SV2C: variants seen among roughly 807,000 people sequenced by gnomAD.
SV2C encodes the protein solute carrier family 22 member B3.
In SV2C, 49 loss-of-function variants were observed where a neutral mutation model predicts 79.7. The ratio of observed to expected loss-of-function variants is 0.61; its 90% CI spans 0.49 to 0.78. The LOEUF is 0.78. SV2C is among the 30% of genes least tolerant of loss of function. SV2C has a pLI of 0.00. For synonymous variants in SV2C, 334 were observed against 333.2 expected (o/e 1.00, Z -0.03); for missense variants, 833 against 912.9 (o/e 0.91, Z 1.13).
the SV2C span, among the ~76,000 whole-genome samples, chr5:75,852,471 A>T: frequency 6.6e-6 from 1 of 152,228 alleles, no homozygotes; most frequent in African/African-American, 2.4e-5. Context: ...AACATAGGAA[A>T]CAATGCAAGG....
chr5:75,921,156 AG>A, the SV2C span: 1 of 907,290 alleles, frequency 1.1e-6, no homozygotes. Flanking sequence ...CCAATGAGCA[AG>A]TTGTTGGAGA....
At chr5:76,349,837 T>C (rs1377994080) in intron 12 of SV2C, among the ~76,000 whole-genome samples, 5 of 152,096 alleles carry the variant, frequency 3.3e-5, no homozygotes, top group Non-Finnish European at 7.4e-5. Flanking sequence ...TGCTGGGCCA[T>C]CAATGGCTAC....
chr5:76,132,270 T>C lies in SV2C; in HGVS notation c.520T>C (p.Phe174Leu). Reference sequence around the variant, plus strand: ...CGGTGTAGAGGTGTTTGTCGTTGGCTTCGTGTTACCCAGTGCTGAGACAGA... The same window carrying C: ...CGGTGTAGAGGTGTTTGTCGTTGGCCTCGTGTTACCCAGTGCTGAGACAGA... ...ADGVEVFVVG[F>L]VLPSAETDLC... Residue 174 changes from phenylalanine to leucine, a missense_variant, in exon 2 of 13, where the codon TTC becomes CTC. By Grantham distance (22) the Phe-to-Leu change is conservative. Transcript: ENST00000502798. The C allele has an allele frequency of 6.2e-7, 1 of 1,614,092 alleles. No homozygotes were observed. Among genetic ancestry groups the C allele is most frequent in the South Asian group, 1.1e-5 (1 of 91,074 alleles).
At chr5:75,943,790 G>A in the SV2C span, among the ~76,000 whole-genome samples, 1 of 152,090 alleles carries the variant, frequency 6.6e-6, no homozygotes, top group South Asian at 2.1e-4. Context: ...CTCACTTGGA[G>A]GTGCCAGGAC....
the SV2C span, among the ~76,000 whole-genome samples, chr5:75,976,329 A>G: frequency 6.6e-6 from 1 of 152,170 alleles, no homozygotes; most frequent in Non-Finnish European, 1.5e-5. Flanking sequence ...GTCATAAAAT[A>G]AGAAATGTGG....
At chr5:75,885,038 ACAAGT>A in the SV2C span, among the ~76,000 whole-genome samples, 424 of 152,280 alleles carry the variant, frequency 2.8e-3, 5 homozygotes, top group African/African-American at 9.7e-3. Flanking sequence ...TCACGACTCA[ACAAGT>A]GAAAATTATT....
intron 3 of SV2C, among the ~76,000 whole-genome samples, chr5:76,204,714 C>T (rs1379250021): frequency 1.3e-5 from 2 of 152,168 alleles, no homozygotes; most frequent in African/African-American, 4.8e-5. Context: ...TACAATTACT[C>T]TTTTTATCTA....
intron 1 of SV2C, among the ~76,000 whole-genome samples, chr5:76,102,517 T>A (rs542720305): frequency 6.6e-6 from 1 of 152,216 alleles, no homozygotes; most frequent in Admixed American, 6.5e-5. Context: ...GAAGGTTCAC[T>A]CTGGTGAACC....
At chr5:75,957,488 A>C in the SV2C span, among the ~76,000 whole-genome samples, 1 of 152,024 alleles carries the variant, frequency 6.6e-6, no homozygotes, top group African/African-American at 2.4e-5. Context: ...TCTTATCTCC[A>C]ATCTACAATG....
intron 2 of SV2C, among the ~76,000 whole-genome samples, chr5:76,160,524 G>T (rs1277759274): frequency 6.6e-6 from 1 of 152,198 alleles, no homozygotes; most frequent in African/African-American, 2.4e-5. Context: ...AAATGCAAGT[G>T]AGTAAAGTAT....
At chr5:76,083,944 T>C (rs1747082022) in intron 1 of SV2C, 1 of 151,734 alleles carries the variant, frequency 6.6e-6, no homozygotes, top group African/African-American at 2.4e-5. Context: ...CCTGGACCTA[T>C]ACCTTCATAG....
intron 4 of SV2C, among the ~76,000 whole-genome samples, chr5:76,271,963 C>T (rs1746883352): frequency 6.6e-6 from 1 of 152,062 alleles, no homozygotes; most frequent in Admixed American, 6.6e-5. Context: ...ATGCATTTCC[C>T]CACCCATTAG....
chr5:76,130,737 G>C (rs1227706890), intron 1 of SV2C, among the ~76,000 whole-genome samples: 4 of 152,084 alleles, frequency 2.6e-5, no homozygotes, highest in Admixed American at 2.6e-4. Flanking sequence ...CCAAATAACA[G>C]GTCCTGGAAG....
chr5:75,867,063 C>G, the SV2C span, among the ~76,000 whole-genome samples: 2 of 152,124 alleles, frequency 1.3e-5, no homozygotes, highest in Admixed American at 1.3e-4. Flanking sequence ...AACATGGTAG[C>G]AAGGTAGATA....
the SV2C span, among the ~76,000 whole-genome samples, chr5:75,988,768 A>C: frequency 6.6e-6 from 1 of 151,924 alleles, no homozygotes; most frequent in Non-Finnish European, 1.5e-5. Context: ...TTTTGAGCTG[A>C]AGGCAATTAA....
At chr5:76,321,170 A>G (rs1748814936) in intron 12 of SV2C, among the ~76,000 whole-genome samples, 1 of 152,218 alleles carries the variant, frequency 6.6e-6, no homozygotes, top group Non-Finnish European at 1.5e-5. Context: ...TAGGTACAGT[A>G]CAAGTAGCGA....
intron 1 of SV2C, among the ~76,000 whole-genome samples, chr5:76,103,458 T>C (rs1268505472): frequency 1.3e-5 from 2 of 152,320 alleles, no homozygotes; most frequent in East Asian, 1.9e-4. Flanking sequence ...ATAATGATTG[T>C]GCAAAGAAAC....
At chr5:76,197,046 A>G (rs1309866386) in intron 3 of SV2C, among the ~76,000 whole-genome samples, 1 of 152,210 alleles carries the variant, frequency 6.6e-6, no homozygotes, top group Non-Finnish European at 1.5e-5. Flanking sequence ...GGGAATCAAG[A>G]AATCCAGGTG....
the SV2C span, among the ~76,000 whole-genome samples, chr5:76,009,194 C>T: frequency 6.6e-6 from 1 of 152,230 alleles, no homozygotes. Flanking sequence ...CAGAGAAATG[C>T]AAATTAAAAC....
Sources: gnomAD v4.1 joint callset for allele counts (sites outside exome capture counted in the v4.1 genomes callset) on GRCh38, gnomAD v4.1.1 for gene constraint, MANE v1.5 for transcripts, NCBI Gene and HGNC (gene_info 2026-07-23, HGNC 2026-07-21) for gene names.